Variants in BHLHA15 observed in about 807,000 individuals in gnomAD.
BHLHA15 encodes the protein basic helix-loop-helix family member a15, also known as class A basic helix-loop-helix protein 15.
In BHLHA15, 7 loss-of-function variants were observed where a neutral mutation model predicts 10.4. The observed-to-expected ratio is 0.67, with a 90% CI of 0.38 to 1.26. The LOEUF (loss-of-function observed/expected upper bound fraction) is 1.26, where lower values mean the gene tolerates loss of function less well. Among genes scored for constraint, BHLHA15 ranks in the 50% most tolerant of loss-of-function variants. BHLHA15 has a pLI of 0.02. For synonymous variants in BHLHA15, 140 were observed against 131.5 expected (o/e 1.06, Z -0.44); for missense variants, 289 against 287.4 (o/e 1.01, Z -0.04).
chr7:98,214,179 C>T lies in BHLHA15; in HGVS notation c.*1300C>T, dbSNP rs1048827996. Among the ~76,000 whole-genome samples, 3 of 147,072 alleles carry T rather than the reference C, an allele frequency of 2.0e-5. No homozygotes were observed. The highest frequency in any genetic ancestry group is 2.9e-5 in the Non-Finnish European group (2 of 68,022). ...CCCCACCAGGTGGCCCTGCCCTCCC[C>T]AAGTTGGGGGTTGTGGCACTTGGGG... is the stretch of plus-strand genomic sequence containing the variant. On this transcript the variant is annotated 3_prime_UTR_variant, in exon 2 of 2. Transcript: ENST00000609256.
Position 98,212,321 on chromosome 7 carries a change from G to C in BHLHA15, c.12G>C (p.Lys4Asn). 1 of 1,370,424 alleles carries C rather than the reference G, an allele frequency of 7.3e-7. No homozygotes were observed. Among genetic ancestry groups the C allele is most frequent in the Non-Finnish European group, 9.4e-7 (1 of 1,060,414 alleles). 84.9% of individuals were successfully genotyped at this position (1,370,424 alleles called of 1,614,324 possible). The change falls in exon 2 of 2, where the codon AAG becomes AAC. Residue 4 changes from lysine (K) to asparagine (N), a missense_variant. By Grantham distance (94) the Lys-to-Asn change is moderately conservative. Transcript: ENST00000609256. ...GCCAGTCCAGGGCCATGAAGACCAA[G>C]AACCGGCCCCCACGGCGCCGGGCCC... MKTKNRPPRRRAPV... is the reference protein window; with the variant it reads MKTNNRPPRRRAPV...
rs1797925316 is a variant in BHLHA15, at chr7:98,212,618, C to G, written c.309C>G (p.Pro103=). 6.2e-7 allele frequency: 1 copy of G among 1,607,120 alleles called. No homozygotes were observed. Among genetic ancestry groups the G allele is most frequent in the African/African-American group, 1.3e-5 (1 of 74,892 alleles). Residue 103 remains proline (P), a synonymous_variant, in exon 2 of 2, where the codon CCC becomes CCG. Transcript: ENST00000609256. ...TCCAGGCCCTGCGTGAAGTCATCCC[C>G]CACGTGCGCGCGGACAAGAAGCTCT... The part of the protein sequence containing the change: ...NAFQALREVI[P]HVRADKKLSK...
At position 98,213,572 on chromosome 7, in the gene BHLHA15, G is replaced by A. The variant is rs80327648; in HGVS notation, c.*693G>A. 4.8e-3 allele frequency among the ~76,000 whole-genome samples: 725 copies of A among 152,320 alleles called. 12 individuals carry two copies. The highest frequency in any genetic ancestry group is 0.034 in the Admixed American group (514 of 15,304). On this transcript the variant is annotated 3_prime_UTR_variant, in exon 2 of 2. Coordinates refer to ENST00000609256, the MANE Select transcript of BHLHA15 (RefSeq NM_177455.4). Reference sequence around the variant, plus strand: ...CTCCAGGCTGTGCCTGGTTGTGGAGGGTCTGGGGCAGGGTGTGAGGGGTGC... The same window carrying A: ...CTCCAGGCTGTGCCTGGTTGTGGAGAGTCTGGGGCAGGGTGTGAGGGGTGC...
In BHLHA15 at chr7:98,212,655, A is replaced by G; in HGVS notation, c.346A>G (p.Thr116Ala). Residue 116 changes from threonine (T) to alanine (A), a missense_variant, in exon 2 of 2, where the codon ACG becomes GCG. Coordinates refer to ENST00000609256, the MANE Select transcript of BHLHA15 (RefSeq NM_177455.4). ...GGACAAGAAGCTCTCCAAGATCGAG[A>G]CGCTCACGCTGGCCAAGAACTACAT... ...RADKKLSKIE[T>A]LTLAKNYIKS... is the part of the protein sequence containing the mutation. 6.3e-7 allele frequency: 1 copy of G among 1,595,432 alleles called. No individual in the cohort carries two copies. The highest frequency in any genetic ancestry group is 1.1e-5 in the South Asian group (1 of 87,568).
Position 98,212,426 on chromosome 7 carries a change from G to A in BHLHA15, c.117G>A (p.Lys39=), listed in dbSNP as rs545614917. The change falls in exon 2 of 2, where the codon AAG becomes AAA. Residue 39 remains lysine, a synonymous_variant. Transcript: ENST00000609256. ...CGAACCCGGGGCCAGAGCCGGCCAA[G>A]GGTCTGCGGAGCCGGCCGGCCCGGG... ...SLPNPGPEPA[K]GLRSRPARAA... The A allele has an allele frequency of 1.0e-4, 157 of 1,512,540 alleles. 2 individuals are homozygous for A. In the South Asian group the frequency reaches 1.9e-3, roughly 18 times the overall value. The allele number at this position is 1,512,540 out of a possible 1,614,324, so 93.7% of individuals were successfully genotyped here.
rs1797947554 is a variant in BHLHA15, at chr7:98,214,016, A to G, written c.*1137A>G. On this transcript the variant is annotated 3_prime_UTR_variant, in exon 2 of 2. Transcript: ENST00000609256. ...TCCTTCTGCTGGGCGTTCCTGCCCC[A>G]CTGGCTCTGCCGGACTTGGCTACTG... is the stretch of plus-strand genomic sequence containing the variant. Among the ~76,000 whole-genome samples, 1 of 152,064 alleles carries G rather than the reference A, an allele frequency of 6.6e-6. No individual in the cohort carries two copies. Among genetic ancestry groups the G allele is most frequent in the Non-Finnish European group, 1.5e-5 (1 of 68,002 alleles).
rs1446205033 is a variant in BHLHA15, at chr7:98,212,418, C to G, written c.109C>G (p.Pro37Ala). The change falls in exon 2 of 2, where the codon CCG becomes GCG. Residue 37 changes from proline (P) to alanine (A), a missense_variant. Pro to Ala is a conservative substitution (Grantham distance 27). Coordinates refer to ENST00000609256, the MANE Select transcript of BHLHA15 (RefSeq NM_177455.4). Reference sequence around the variant, plus strand: ...GTCCCTGCCGAACCCGGGGCCAGAGCCGGCCAAGGGTCTGCGGAGCCGGCC... The same window carrying G: ...GTCCCTGCCGAACCCGGGGCCAGAGGCGGCCAAGGGTCTGCGGAGCCGGCC... The part of the protein sequence containing the change: ...DGSLPNPGPE[P>A]AKGLRSRPAR... The G allele has an allele frequency of 6.7e-7, 1 of 1,491,604 alleles. No individual in the cohort carries two copies. The allele number at this position is 1,491,604 out of a possible 1,614,324, so 92.4% of individuals were successfully genotyped here.
chr7:98,212,804 G>C lies in BHLHA15; in HGVS notation c.495G>C (p.Gly165=). 1 of 1,547,634 alleles carries C rather than the reference G, an allele frequency of 6.5e-7. No homozygotes were observed. The highest frequency in any genetic ancestry group is 8.7e-7 in the Non-Finnish European group (1 of 1,148,626). ...QQQQVAGGAL[G]ATEAQPQGHL... ...AGCAGGTGGCTGGGGGTGCGTTGGG[G>C]GCCACGGAGGCCCAGCCCCAGGGCC... is the stretch of plus-strand genomic sequence containing the variant. Residue 165 remains glycine, a synonymous_variant, in exon 2 of 2, where the codon GGG becomes GGC. Transcript: ENST00000609256.
chr7:98,214,483 A>G lies in BHLHA15; in HGVS notation c.*1604A>G, dbSNP rs1797955576. On this transcript the variant is annotated 3_prime_UTR_variant, in exon 2 of 2. Transcript: ENST00000609256. ...ACAACTGTGAGCTGAGGTTGGATGC[A>G]GCTGGGAGCTTGGGACAGAGAGAGC... is the stretch of plus-strand genomic sequence containing the variant. 6.6e-6 allele frequency: 1 copy of G among 152,362 alleles called. No homozygotes were observed. Among genetic ancestry groups the G allele is most frequent in the Non-Finnish European group, 1.5e-5 (1 of 68,138 alleles). The allele number at this position is 152,362 out of a possible 1,614,324, so 9.4% of individuals were successfully genotyped here.
Position 98,212,981 on chromosome 7 carries a change from C to A in BHLHA15, c.*102C>A. 9.1e-7 allele frequency: 1 copy of A among 1,099,534 alleles called. No individual in the cohort carries two copies. Among genetic ancestry groups the A allele is most frequent in the Non-Finnish European group, 1.3e-6 (1 of 789,276 alleles). 68.1% of individuals were successfully genotyped at this position (1,099,534 alleles called of 1,614,324 possible). A position where few individuals can be genotyped will look rare whatever the true frequency, so the allele number is the denominator to read the frequency against. On this transcript the variant is annotated 3_prime_UTR_variant, in exon 2 of 2. Transcript: ENST00000609256. ...CGAGCCCCAGATGGGCGGTGACACC[C>A]CACAAGGACACGGCCTCAGCGGTTC...
Position 98,213,113 on chromosome 7 carries a change from G to A in BHLHA15, c.*234G>A. The A allele has an allele frequency of 1.9e-6, 1 of 520,342 alleles. No homozygotes were observed. The allele number at this position is 520,342 out of a possible 1,614,324, so 32.2% of individuals were successfully genotyped here. ...CTGTGGCCCTGGACAGCGGCGTGAG[G>A]CCCAAACCTCTAGGTAGGGCCCAGT... On this transcript the variant is annotated 3_prime_UTR_variant, in exon 2 of 2. Transcript: ENST00000609256.
rs1418661492 is a variant in BHLHA15, at chr7:98,213,419, C to T, written c.*540C>T. On this transcript the variant is annotated 3_prime_UTR_variant, in exon 2 of 2. Coordinates refer to ENST00000609256, the MANE Select transcript of BHLHA15 (RefSeq NM_177455.4). The stretch of plus-strand genomic sequence containing the variant: ...AGGCTGCTCGGGGAGTGGGGCCAAT[C>T]AGAGATGATTGGAGCTGCCAGAAAC... Among the ~76,000 whole-genome samples, 1 of 152,214 alleles carries T rather than the reference C, an allele frequency of 6.6e-6. No homozygotes were observed. Among genetic ancestry groups the T allele is most frequent in the Non-Finnish European group, 1.5e-5 (1 of 68,040 alleles).
In BHLHA15 at chr7:98,212,903, C is replaced by G; in HGVS notation, c.*24C>G. 1 of 1,507,868 alleles carries G rather than the reference C, an allele frequency of 6.6e-7. No individual in the cohort carries two copies. Among genetic ancestry groups the G allele is most frequent in the African/African-American group, 1.4e-5 (1 of 70,362 alleles). The allele number at this position is 1,507,868 out of a possible 1,614,324, so 93.4% of individuals were successfully genotyped here. A position where few individuals can be genotyped will look rare whatever the true frequency, so the allele number is the denominator to read the frequency against. On this transcript the variant is annotated 3_prime_UTR_variant, in exon 2 of 2. Transcript: ENST00000609256. ...AGCGCCCAGTCCTGGGTGGGGGTGG[C>G]GGTGGCCGCAGCTGCCTGGCCTGCT...
chr7:98,214,906 G>C lies in BHLHA15; in HGVS notation c.*2027G>C, dbSNP rs1797966187. 1 of 152,370 alleles carries C rather than the reference G, an allele frequency of 6.6e-6. No homozygotes were observed. The highest frequency in any genetic ancestry group is 1.5e-5 in the Non-Finnish European group (1 of 68,164). The allele number at this position is 152,370 out of a possible 1,614,324, so 9.4% of individuals were successfully genotyped here. On this transcript the variant is annotated 3_prime_UTR_variant, in exon 2 of 2. Coordinates refer to ENST00000609256, the MANE Select transcript of BHLHA15 (RefSeq NM_177455.4). ...CCCAGTCCTTCTTCCCCTGAGGCCAGAGGGGACGCCCCGCGGCCACATCAC... is the reference window on the plus strand; with the variant it reads ...CCCAGTCCTTCTTCCCCTGAGGCCACAGGGGACGCCCCGCGGCCACATCAC...
chr7:98,214,172 C>T lies in BHLHA15; in HGVS notation c.*1293C>T, dbSNP rs959698155. Among the ~76,000 whole-genome samples the T allele has an allele frequency of 1.4e-5, 2 of 146,958 alleles. No individual in the cohort carries two copies. The highest frequency in any genetic ancestry group is 2.9e-5 in the Non-Finnish European group (2 of 68,032). On this transcript the variant is annotated 3_prime_UTR_variant, in exon 2 of 2. Coordinates refer to ENST00000609256, the MANE Select transcript of BHLHA15 (RefSeq NM_177455.4). The stretch of plus-strand genomic sequence containing the variant: ...GGCCCGTCCCCACCAGGTGGCCCTG[C>T]CCTCCCCAAGTTGGGGGTTGTGGCA...
rs1426386955 is a variant in BHLHA15 at position 98,214,652 on chromosome 7, T to G, written c.*1773T>G. ...GCCAGAGCAGGGCTCAGTCTGCCCC[T>G]GAACTTGCTGAATGGACCGACGAGC... On this transcript the variant is annotated 3_prime_UTR_variant, in exon 2 of 2. Transcript: ENST00000609256. 1 of 152,244 alleles carries G rather than the reference T, an allele frequency of 6.6e-6. No individual in the cohort carries two copies. The highest frequency in any genetic ancestry group is 1.5e-5 in the Non-Finnish European group (1 of 68,062). The allele number at this position is 152,244 out of a possible 1,614,324, so 9.4% of individuals were successfully genotyped here.
chr7:98,212,380 G>T lies in BHLHA15; in HGVS notation c.71G>T (p.Gly24Val). Residue 24 changes from glycine to valine, a missense_variant, in exon 2 of 2, where the codon GGG becomes GTG. Coordinates refer to ENST00000609256, the MANE Select transcript of BHLHA15 (RefSeq NM_177455.4). ...GACACAGAGGCCACCCCCGGGGAGG[G>T]GACGCCCGACGGGTCCCTGCCGAAC... is the stretch of plus-strand genomic sequence containing the variant. ...VQDTEATPGE[G>V]TPDGSLPNPG... 6.9e-7 allele frequency: 1 copy of T among 1,442,898 alleles called. No individual in the cohort carries two copies. The highest frequency in any genetic ancestry group is 9.1e-7 in the Non-Finnish European group (1 of 1,099,738). The allele number at this position is 1,442,898 out of a possible 1,614,324, so 89.4% of individuals were successfully genotyped here. A position where few individuals can be genotyped will look rare whatever the true frequency, so the allele number is the denominator to read the frequency against.
Position 98,212,455 on chromosome 7 carries a change from C to A in BHLHA15, c.146C>A (p.Ala49Glu). The change falls in exon 2 of 2, where the codon GCA becomes GAA. Residue 49 changes from alanine (A) to glutamate (E), a missense_variant. Physicochemically the swap from Ala to Glu is moderately radical, Grantham distance 107 (BLOSUM62 -1). Transcript: ENST00000609256. ...CTGCGGAGCCGGCCGGCCCGGGCCGCAGCAAGGGCTCCGGGCGAGGGCAGG... is the reference window on the plus strand; with the variant it reads ...CTGCGGAGCCGGCCGGCCCGGGCCGAAGCAAGGGCTCCGGGCGAGGGCAGG... ...KGLRSRPARA[A>E]ARAPGEGRRR... is the part of the protein sequence containing the mutation. 1 of 1,539,372 alleles carries A rather than the reference C, an allele frequency of 6.5e-7. No individual in the cohort carries two copies. Among genetic ancestry groups the A allele is most frequent in the Non-Finnish European group, 8.8e-7 (1 of 1,142,460 alleles).
At position 98,212,927 on chromosome 7, in the gene BHLHA15, C is replaced by G; in HGVS notation, c.*48C>G. The stretch of plus-strand genomic sequence containing the variant: ...GCGGTGGCCGCAGCTGCCTGGCCTG[C>G]TCCTCCCAGCCCCAGTCCCTCCAAG... On this transcript the variant is annotated 3_prime_UTR_variant, in exon 2 of 2. Transcript: ENST00000609256. The G allele has an allele frequency of 1.3e-6, 2 of 1,481,788 alleles. No individual in the cohort carries two copies. The highest frequency in any genetic ancestry group is 2.6e-5 in the South Asian group (2 of 75,946). 91.8% of individuals were successfully genotyped at this position (1,481,788 alleles called of 1,614,324 possible).
Sources: allele counts gnomAD v4.1 joint callset (sites outside exome capture counted in the v4.1 genomes callset), GRCh38; gene constraint gnomAD v4.1.1; transcripts MANE v1.5; gene names NCBI Gene and HGNC (gene_info 2026-07-23, HGNC 2026-07-21).